STIM2: variants seen among roughly 807,000 people sequenced by gnomAD.
The protein encoded by STIM2 is stromal interaction molecule 2.
In STIM2, 31 loss-of-function variants were observed where a neutral mutation model predicts 85.8. The observed-to-expected ratio is 0.36, with a 90% CI of 0.27 to 0.49. The LOEUF (loss-of-function observed/expected upper bound fraction) is 0.49, where lower values mean the gene tolerates loss of function less well. STIM2 is among the 20% of genes least tolerant of loss of function. The pLI is 0.98. For missense variants in STIM2, 841 were observed against 927.6 expected (o/e 0.91, Z 1.21); for synonymous variants, 356 against 331.1 (o/e 1.08, Z -0.82).
At chr4:26,908,507 A>G (rs945620506) in intron 1 of STIM2, among the ~76,000 whole-genome samples, 7 of 152,204 alleles carry the variant, frequency 4.6e-5, no homozygotes, top group African/African-American at 1.7e-4. Flanking sequence ...TTGTTTTGAG[A>G]CAGAGTCTTG....
intron 5 of STIM2, among the ~76,000 whole-genome samples, chr4:26,999,746 T>C (rs1483130253): frequency 6.6e-6 from 1 of 152,178 alleles, no homozygotes. Flanking sequence ...CAGTTTTCAC[T>C]AAACACCAAG....
At chr4:26,990,728 A>T (rs1013740895) in intron 3 of STIM2, among the ~76,000 whole-genome samples, 8 of 152,278 alleles carry the variant, frequency 5.3e-5, no homozygotes, top group Admixed American at 5.2e-4. Context: ...TAAGGAACTC[A>T]AACAGCTCAA....
intron 3 of STIM2, among the ~76,000 whole-genome samples, chr4:26,988,949 G>T (rs560715038): frequency 6.6e-6 from 1 of 152,232 alleles, no homozygotes; most frequent in East Asian, 1.9e-4. Context: ...TTTCTTTGGA[G>T]TGGGGGACGG....
At position 27,002,368 on chromosome 4, in the gene STIM2, G is replaced by A. The variant is rs756039899; in HGVS notation, c.777G>A (p.Glu259=). 23 of 1,611,318 alleles carry A rather than the reference G, an allele frequency of 1.4e-5. No individual in the cohort carries two copies. In the South Asian group the frequency reaches 2.4e-4, roughly 17 times the overall value. Residue 259 remains glutamate (E), a synonymous_variant, in exon 6 of 12, where the codon GAG becomes GAA. Transcript: ENST00000467087. ...ATTTAGAGAGCTTACAAACTGCAGA[G>A]CAAAGTCTAATGGACTTACAGGAGA...
At chr4:26,878,670 C>T (rs1668553419) in intron 1 of STIM2, among the ~76,000 whole-genome samples, 1 of 152,124 alleles carries the variant, frequency 6.6e-6, no homozygotes, top group African/African-American at 2.4e-5. Flanking sequence ...AGTTCATTTT[C>T]ACACTGCTAT....
intron 2 of STIM2, among the ~76,000 whole-genome samples, chr4:26,954,572 T>C (rs1726175410): frequency 6.7e-6 from 1 of 148,564 alleles, no homozygotes; most frequent in South Asian, 2.1e-4. Context: ...GCATTTTCAG[T>C]TATTGGTGAC....
At chr4:26,985,289 A>G (rs1727543303) in intron 3 of STIM2, among the ~76,000 whole-genome samples, 1 of 152,164 alleles carries the variant, frequency 6.6e-6, no homozygotes, top group Admixed American at 6.5e-5. Flanking sequence ...AAAAATTCTT[A>G]TTTTTAAATC....
chr4:26,888,863 G>A lies in STIM2; in HGVS notation c.151+27494G>A, dbSNP rs541639284. The stretch of plus-strand genomic sequence containing the variant: ...GGACTTAGTCTTTCATACCTCCATT[G>A]TATGGTAGCAGTTGAATTTCTTCTT... On this transcript the variant is annotated intron_variant, in intron 1 of 11. Transcript: ENST00000467087. Among the ~76,000 whole-genome samples the A allele has an allele frequency of 1.2e-3, 190 of 152,288 alleles. 6 individuals carry two copies. In the South Asian group the frequency reaches 0.038, roughly 30 times the overall value.
chr4:27,021,483 G>A (rs748326798), intron 11 of STIM2: 1 of 456,704 alleles, frequency 2.2e-6, no homozygotes, highest in South Asian at 1.5e-5. Context: ...CTCGAGGTTG[G>A]CATGTTACAG....
intron 3 of STIM2, among the ~76,000 whole-genome samples, chr4:26,991,481 A>G (rs1307128553): frequency 2.6e-5 from 4 of 152,102 alleles, no homozygotes; most frequent in Non-Finnish European, 5.9e-5. Context: ...GCAGTTAGGT[A>G]GAAGTAATAA....
chr4:27,011,654 G>C (rs112845800), intron 10 of STIM2, among the ~76,000 whole-genome samples: 444 of 152,244 alleles, frequency 2.9e-3, no homozygotes, highest in African/African-American at 0.01. Context: ...ACTCGAATGC[G>C]TATGAAATGA....
chr4:26,965,516 C>T (rs570678383), intron 3 of STIM2, among the ~76,000 whole-genome samples: 4 of 152,220 alleles, frequency 2.6e-5, no homozygotes, highest in Admixed American at 2.6e-4. Context: ...AGAGCACTCA[C>T]AGTAAGTTGC....
chr4:26,967,188 T>TA (rs1480177533), intron 3 of STIM2, among the ~76,000 whole-genome samples: 9 of 152,072 alleles, frequency 5.9e-5, no homozygotes, highest in South Asian at 4.2e-4. Context: ...AGTAATCAGC[T>TA]AAAAAAATGC....
At chr4:26,868,639 A>C (rs1431332145) in intron 1 of STIM2, among the ~76,000 whole-genome samples, 1 of 152,190 alleles carries the variant, frequency 6.6e-6, no homozygotes, top group Non-Finnish European at 1.5e-5. Context: ...CCTACTCAGC[A>C]CACTGCAAGT....
chr4:26,860,892 G>C lies in STIM2; in HGVS notation c.-327G>C. 1 of 1,036,550 alleles carries C rather than the reference G, an allele frequency of 9.6e-7. No individual in the cohort carries two copies. The highest frequency in any genetic ancestry group is 1.8e-5 in the African/African-American group (1 of 57,060). The allele number at this position is 1,036,550 out of a possible 1,614,324, so 64.2% of individuals were successfully genotyped here. On this transcript the variant is annotated 5_prime_UTR_variant, in exon 1 of 12. Transcript: ENST00000467087. ...AGCAGCAGCGCGGGTGTCGTGCACC[G>C]CCTGAAGACGCCGTACCTTTCTACC...
chr4:26,895,834 G>T (rs1355410435), intron 1 of STIM2, among the ~76,000 whole-genome samples: 1 of 152,178 alleles, frequency 6.6e-6, no homozygotes, highest in Non-Finnish European at 1.5e-5. Context: ...CTTTGTAAGG[G>T]TGTTTGAAGA....
At chr4:27,014,596 T>C (rs1221533429) in intron 10 of STIM2, among the ~76,000 whole-genome samples, 1 of 151,886 alleles carries the variant, frequency 6.6e-6, no homozygotes, top group Non-Finnish European at 1.5e-5. Flanking sequence ...GCCTTGTGAC[T>C]TAGTATTTAT....
chr4:26,904,976 G>A (rs964668051), intron 1 of STIM2, among the ~76,000 whole-genome samples: 1 of 152,118 alleles, frequency 6.6e-6, no homozygotes, highest in South Asian at 2.1e-4. Context: ...TGAAAGTGTA[G>A]ACAGTGGATG....
At chr4:26,951,358 G>A (rs762699379) in intron 2 of STIM2, among the ~76,000 whole-genome samples, 3 of 152,206 alleles carry the variant, frequency 2.0e-5, no homozygotes, top group South Asian at 4.1e-4. Context: ...ACAAAGTCCC[G>A]TCTTTTCAAC....
Sources: gnomAD v4.1 joint callset for allele counts (sites outside exome capture counted in the v4.1 genomes callset) on GRCh38, gnomAD v4.1.1 for gene constraint, MANE v1.5 for transcripts, NCBI Gene and HGNC (gene_info 2026-07-23, HGNC 2026-07-21) for gene names.